Variants in PALM2AKAP2 observed in about 807,000 individuals in gnomAD.
The protein encoded by PALM2AKAP2 is PALM2 and AKAP2 fusion.
A neutral mutation model predicts 71.5 loss-of-function variants in PALM2AKAP2; 37 were observed. The ratio of observed to expected loss-of-function variants is 0.52; its 90% CI spans 0.40 to 0.68. PALM2AKAP2 has a LOEUF of 0.68. Among genes scored for constraint, PALM2AKAP2 ranks in the 30% least tolerant of loss-of-function variants. The pLI, the probability that PALM2AKAP2 is intolerant of heterozygous loss-of-function variation, is 0.00. For synonymous variants in PALM2AKAP2, 468 were observed against 478.8 expected (o/e 0.98, Z 0.29); for missense variants, 1,224 against 1,191.8 (o/e 1.03, Z -0.40).
At chr9:110,123,891 G>T (rs894609502) in intron 1 of PALM2AKAP2, among the ~76,000 whole-genome samples, 2 of 152,178 alleles carry the variant, frequency 1.3e-5, no homozygotes, top group Non-Finnish European at 2.9e-5. Flanking sequence ...CCATTGGCAT[G>T]TGATTTCTGC....
At chr9:109,739,638 A>G (rs915483922) in intron 1 of PALM2AKAP2, among the ~76,000 whole-genome samples, 4 of 152,240 alleles carry the variant, frequency 2.6e-5, no homozygotes, top group African/African-American at 9.6e-5. Flanking sequence ...AATTAGAGCC[A>G]GACTCCAGGC....
intron 1 of PALM2AKAP2, among the ~76,000 whole-genome samples, chr9:109,788,530 C>A (rs761854773): frequency 2.6e-5 from 4 of 152,154 alleles, no homozygotes; most frequent in Non-Finnish European, 5.9e-5. Context: ...GGTGATGTGG[C>A]CTGAGAATTT....
rs375040405 is a variant in PALM2AKAP2 at position 110,163,685 on chromosome 9, G to A, written c.2749-4714G>A. Among the ~76,000 whole-genome samples the A allele has an allele frequency of 6.6e-5, 10 of 152,298 alleles. No individual in the cohort carries two copies. The East Asian group carries it at 1.7e-3, about 26-fold the overall frequency. On this transcript the variant is annotated intron_variant, in intron 3 of 3. Coordinates refer to ENST00000374525, the Ensembl canonical transcript of PALM2AKAP2. ...CTTTGTTCTGTCTGCATTGTTTTGA[G>A]ATGTGTCCTTGTTGATCACTGTGGC...
chr9:110,003,877 C>G (rs900330713), intron 6 of PALM2AKAP2, among the ~76,000 whole-genome samples: 1 of 151,900 alleles, frequency 6.6e-6, no homozygotes, highest in Non-Finnish European at 1.5e-5. Context: ...TTTTCCATTT[C>G]CTTGGTAGAT....
At chr9:109,808,537 G>A (rs936069020) in intron 1 of PALM2AKAP2, among the ~76,000 whole-genome samples, 5 of 152,242 alleles carry the variant, frequency 3.3e-5, no homozygotes, top group African/African-American at 1.2e-4. Context: ...CAAATATATG[G>A]TTTGGAATTA....
At chr9:109,956,091 G>A (rs1035224503) in intron 6 of PALM2AKAP2, among the ~76,000 whole-genome samples, 2 of 147,414 alleles carry the variant, frequency 1.4e-5, no homozygotes, top group Non-Finnish European at 3.0e-5. Context: ...TGCAACCTCC[G>A]CCTCCCAGGT....
At chr9:110,030,152 T>C (rs1447451694) in intron 7 of PALM2AKAP2, among the ~76,000 whole-genome samples, 2 of 152,206 alleles carry the variant, frequency 1.3e-5, no homozygotes, top group African/African-American at 4.8e-5. Flanking sequence ...TACAGATGGT[T>C]ATATACCCTT....
At chr9:109,837,278 A>C (rs1168016774) in intron 1 of PALM2AKAP2, among the ~76,000 whole-genome samples, 1 of 152,222 alleles carries the variant, frequency 6.6e-6, no homozygotes, top group African/African-American at 2.4e-5. Context: ...CAGCCAAACT[A>C]AGCTTCATTA....
At chr9:109,852,020 A>G (rs1829034970) in intron 1 of PALM2AKAP2, among the ~76,000 whole-genome samples, 1 of 152,210 alleles carries the variant, frequency 6.6e-6, no homozygotes, top group Non-Finnish European at 1.5e-5. Flanking sequence ...TTCCCCATCA[A>G]TAGGTAAAAC....
At chr9:109,936,223 T>C (rs1341375721) in intron 6 of PALM2AKAP2, among the ~76,000 whole-genome samples, 1 of 152,218 alleles carries the variant, frequency 6.6e-6, no homozygotes, top group Non-Finnish European at 1.5e-5. Flanking sequence ...ATCATTTCTT[T>C]GTGTTGGGAA....
intron 6 of PALM2AKAP2, among the ~76,000 whole-genome samples, chr9:109,974,236 G>A (rs142698133): frequency 1.7e-3 from 258 of 152,306 alleles, no homozygotes; most frequent in African/African-American, 6.0e-3. Flanking sequence ...TGAGTGCCAA[G>A]GGCAGTTTCT....
At chr9:110,088,703 G>GTTTTTTTTTTTTT (rs71373964) in intron 1 of PALM2AKAP2, among the ~76,000 whole-genome samples, 1 of 75,576 alleles carries the variant, frequency 1.3e-5, no homozygotes, top group Non-Finnish European at 2.8e-5. Flanking sequence ...GCATTTACGT[G>GTTTTTTTTTTTTT]TTTTTTTTTT....
intron 1 of PALM2AKAP2, among the ~76,000 whole-genome samples, chr9:109,801,748 G>A (rs1269858656): frequency 1.3e-5 from 2 of 151,964 alleles, no homozygotes; most frequent in African/African-American, 4.8e-5. Context: ...GTGTGTGAAG[G>A]GCTGAGAACT....
intron 1 of PALM2AKAP2, among the ~76,000 whole-genome samples, chr9:110,096,959 TATTA>T (rs762509333): frequency 2.8e-5 from 4 of 145,154 alleles, no homozygotes; most frequent in Non-Finnish European, 4.5e-5. Context: ...TTTATTTATT[TATTA>T]TTTTTTTTAT....
intron 3 of PALM2AKAP2, among the ~76,000 whole-genome samples, chr9:109,882,129 C>A (rs775792416): frequency 6.6e-6 from 1 of 152,024 alleles, no homozygotes; most frequent in South Asian, 2.1e-4. Flanking sequence ...GTGATCCACC[C>A]GCCTTGGCCT....
At chr9:109,921,608 C>T (rs978210248) in intron 3 of PALM2AKAP2, among the ~76,000 whole-genome samples, 8 of 152,202 alleles carry the variant, frequency 5.3e-5, no homozygotes, top group Non-Finnish European at 1.2e-4. Flanking sequence ...GCAGTGAAAT[C>T]TGTGAACACC....
intron 1 of PALM2AKAP2, among the ~76,000 whole-genome samples, chr9:109,654,779 A>G (rs2146085): frequency 0.25 from 30,539 of 124,044 alleles, 3,745 homozygotes; most frequent in African/African-American, 0.38. Context: ...GTGTGTGTGT[A>G]TATGTATTAA....
upstream of PALM2AKAP2, among the ~76,000 whole-genome samples, chr9:109,779,290 T>C (rs951087460): frequency 2.6e-5 from 4 of 152,214 alleles, no homozygotes; most frequent in Non-Finnish European, 4.4e-5. Flanking sequence ...GTCCAGGACC[T>C]GTCACAAAAG....
chr9:109,682,012 A>G (rs1405666214), intron 1 of PALM2AKAP2, among the ~76,000 whole-genome samples: 1 of 152,224 alleles, frequency 6.6e-6, no homozygotes, highest in Non-Finnish European at 1.5e-5. Context: ...TGTTGGATTC[A>G]GTGGTTAAGC....
Sources: allele counts gnomAD v4.1 joint callset (sites outside exome capture counted in the v4.1 genomes callset), GRCh38; gene constraint gnomAD v4.1.1; transcripts MANE v1.5; gene names NCBI Gene and HGNC (gene_info 2026-07-23, HGNC 2026-07-21).